MACROD2: variants seen among roughly 807,000 people sequenced by gnomAD.
MACROD2 encodes ADP-ribose glycohydrolase MACROD2.
In MACROD2, 36 loss-of-function variants were observed where a neutral mutation model predicts 70.4. That is an observed-to-expected ratio of 0.51 (90% CI 0.39 to 0.68). MACROD2 has a LOEUF of 0.68. MACROD2 is among the 30% of genes least tolerant of loss of function. The pLI, the probability that MACROD2 is intolerant of heterozygous loss-of-function variation, is 0.00. For synonymous variants in MACROD2, 172 were observed against 178.8 expected (o/e 0.96, Z 0.30); for missense variants, 496 against 538.4 (o/e 0.92, Z 0.78).
chr20:16,040,496 A>T (rs1328667020), intron 15 of MACROD2, among the ~76,000 whole-genome samples: 1 of 151,996 alleles, frequency 6.6e-6, no homozygotes, highest in Admixed American at 6.6e-5. Context: ...AACTTAAGAG[A>T]GATTTAACTA....
intron 5 of MACROD2, among the ~76,000 whole-genome samples, chr20:14,778,510 T>C (rs2072261176): frequency 6.6e-6 from 1 of 152,090 alleles, no homozygotes; most frequent in African/African-American, 2.4e-5. Flanking sequence ...TCCACAGCTC[T>C]TCACTAAGAC....
chr20:14,590,463 C>T (rs981192792), intron 4 of MACROD2, among the ~76,000 whole-genome samples: 21 of 152,152 alleles, frequency 1.4e-4, no homozygotes, highest in African/African-American at 4.8e-4. Context: ...AGGTAGGACA[C>T]ATTCAAACTC....
At chr20:15,635,188 C>T (rs2049345038) in intron 8 of MACROD2, among the ~76,000 whole-genome samples, 2 of 152,298 alleles carry the variant, frequency 1.3e-5, no homozygotes, top group African/African-American at 4.8e-5. Context: ...CTGCAGTCAA[C>T]TTTGACTGAT....
intron 8 of MACROD2, among the ~76,000 whole-genome samples, chr20:15,760,991 C>G (rs2051427783): frequency 6.6e-6 from 1 of 152,154 alleles, no homozygotes; most frequent in African/African-American, 2.4e-5. Context: ...ATCAAGAGTC[C>G]ATAACATGAA....
At chr20:14,416,565 G>A (rs2083807790) in intron 3 of MACROD2, among the ~76,000 whole-genome samples, 2 of 152,170 alleles carry the variant, frequency 1.3e-5, no homozygotes, top group African/African-American at 2.4e-5. Context: ...AGAAAAAAGA[G>A]TCTCTTTGTT....
At chr20:15,956,373 T>C (rs2065976978) in intron 12 of MACROD2, among the ~76,000 whole-genome samples, 1 of 152,200 alleles carries the variant, frequency 6.6e-6, no homozygotes, top group African/African-American at 2.4e-5. Context: ...CCACTAAATC[T>C]AATGTGAAGG....
At chr20:15,504,621 C>T (rs1376393035) in intron 8 of MACROD2, among the ~76,000 whole-genome samples, 1 of 152,112 alleles carries the variant, frequency 6.6e-6, no homozygotes, top group Non-Finnish European at 1.5e-5. Flanking sequence ...AGGGATCAAA[C>T]ATGAGGCAGG....
chr20:15,935,018 T>C (rs78224407), intron 11 of MACROD2, among the ~76,000 whole-genome samples: 4 of 152,094 alleles, frequency 2.6e-5, no homozygotes, highest in African/African-American at 9.7e-5. Context: ...AAAGATTGTT[T>C]CCATCCCTGT....
intron 5 of MACROD2, among the ~76,000 whole-genome samples, chr20:15,024,250 C>T (rs1423810033): frequency 6.6e-6 from 1 of 152,098 alleles, no homozygotes; most frequent in African/African-American, 2.4e-5. Flanking sequence ...CTATTCATTA[C>T]TTAATCCTTA....
chr20:15,002,170 G>A (rs907788410), intron 5 of MACROD2, among the ~76,000 whole-genome samples: 1 of 152,146 alleles, frequency 6.6e-6, no homozygotes, highest in African/African-American at 2.4e-5. Flanking sequence ...TCTACTTTTA[G>A]TTCTTTAAGG....
intron 5 of MACROD2, among the ~76,000 whole-genome samples, chr20:15,015,672 T>G (rs1168448608): frequency 2.0e-5 from 3 of 152,210 alleles, no homozygotes; most frequent in Non-Finnish European, 4.4e-5. Flanking sequence ...AATTGTTGAG[T>G]TCTAGGTATC....
chr20:15,243,825 C>T (rs2077082002), intron 6 of MACROD2, among the ~76,000 whole-genome samples: 1 of 150,070 alleles, frequency 6.7e-6, no homozygotes, highest in African/African-American at 2.5e-5. Flanking sequence ...ACTGGGGAGG[C>T]TGAGGCAGGA....
intron 2 of MACROD2, among the ~76,000 whole-genome samples, chr20:14,019,776 C>T (rs577432987): frequency 7.2e-5 from 11 of 151,978 alleles, no homozygotes; most frequent in Admixed American, 2.6e-4. Context: ...ATTTGCAATC[C>T]GAAAAGGCCA....
At chr20:15,035,015 C>G (rs1474824526) in intron 5 of MACROD2, among the ~76,000 whole-genome samples, 2 of 152,204 alleles carry the variant, frequency 1.3e-5, no homozygotes, top group South Asian at 4.1e-4. Context: ...AATTTTAGGT[C>G]TTTTGATATG....
At chr20:14,499,715 C>T (rs913135800) in intron 4 of MACROD2, among the ~76,000 whole-genome samples, 2 of 151,966 alleles carry the variant, frequency 1.3e-5, no homozygotes, top group Non-Finnish European at 2.9e-5. Context: ...CCTTTGCCCT[C>T]CCTCCTTCCC....
chr20:15,379,881 A>C (rs1381092586), intron 6 of MACROD2, among the ~76,000 whole-genome samples: 1 of 152,146 alleles, frequency 6.6e-6, no homozygotes, highest in Non-Finnish European at 1.5e-5. Context: ...ACATAGAATA[A>C]AGTCCAAACT....
intron 2 of MACROD2, among the ~76,000 whole-genome samples, chr20:14,021,137 C>T (rs567013311): frequency 1.3e-5 from 2 of 152,016 alleles, no homozygotes; most frequent in Admixed American, 1.3e-4. Flanking sequence ...CTACAGGCGC[C>T]CACCACCATG....
At chr20:15,302,029 C>T (rs571092125) in intron 6 of MACROD2, among the ~76,000 whole-genome samples, 4 of 152,246 alleles carry the variant, frequency 2.6e-5, no homozygotes, top group African/African-American at 7.2e-5. Context: ...TGACAATCTG[C>T]TTGTTGGCAG....
chr20:14,899,416 G>A (rs922138331), intron 5 of MACROD2, among the ~76,000 whole-genome samples: 3 of 152,244 alleles, frequency 2.0e-5, no homozygotes, highest in Non-Finnish European at 2.9e-5. Flanking sequence ...TCTGTGGGCC[G>A]TAAGGAAGAA....
Sources: allele counts gnomAD v4.1 joint callset (sites outside exome capture counted in the v4.1 genomes callset), GRCh38; gene constraint gnomAD v4.1.1; transcripts MANE v1.5; gene names NCBI Gene and HGNC (gene_info 2026-07-23, HGNC 2026-07-21).